The following TENM2 variants were observed in gnomAD, a reference collection of about 807,000 sequenced individuals.
The protein encoded by TENM2 is teneurin transmembrane protein 2.
Under a neutral mutation model 245.2 loss-of-function variants are expected in TENM2, and 52 were observed. The ratio of observed to expected loss-of-function variants is 0.21; its 90% confidence interval spans 0.17 to 0.27. The LOEUF is 0.27. TENM2 is among the 10% of genes least tolerant of loss of function. The pLI is 1.00. For synonymous variants in TENM2, 1,363 were observed against 1,438.9 expected, an observed-to-expected ratio of 0.95 and a Z score of 1.19; for missense variants, 3,046 against 3,666.8, an observed-to-expected ratio of 0.83 and a Z score of 4.37.
intron 20 of TENM2, 23 bp downstream of exon 22, chr5:168,211,777 A>G (rs774735048): frequency 6.1e-6 from 8 of 1,309,724 alleles, no homozygotes; most frequent in Non-Finnish European, 7.4e-6. Context: ...ACTCTTTCCC[A>G]TATAATTTGA....
At chr5:167,851,523 T>A (rs1770580149) in intron 2 of TENM2, among the ~76,000 whole-genome samples, 1 of 152,190 alleles carries the variant, frequency 6.6e-6, no homozygotes, top group Non-Finnish European at 1.5e-5. Flanking sequence ...TTTTAAGGTA[T>A]AAAAATTTTC....
intron 5 of TENM2, among the ~76,000 whole-genome samples, chr5:167,996,920 G>A (rs756874708): frequency 7.2e-5 from 11 of 151,872 alleles, no homozygotes; most frequent in African/African-American, 2.7e-4. Context: ...TGTGTTTTTA[G>A]TAGAGACAGG....
chr5:168,032,569 ACCGATC>A (rs569171854), intron 5 of TENM2, among the ~76,000 whole-genome samples: 198 of 152,238 alleles, frequency 1.3e-3, no homozygotes, highest in African/African-American at 4.4e-3. Context: ...AGCGAGAAGG[ACCGATC>A]CCATAGGTCC....
chr5:167,887,876 G>C (rs1774417158), intron 3 of TENM2, among the ~76,000 whole-genome samples: 1 of 152,096 alleles, frequency 6.6e-6, no homozygotes, highest in South Asian at 2.1e-4. Flanking sequence ...CTAGGGAAGA[G>C]TCCTTCCTTG....
chr5:167,648,908 C>T (rs572740912), intron 2 of TENM2, among the ~76,000 whole-genome samples: 4 of 152,156 alleles, frequency 2.6e-5, no homozygotes, highest in Non-Finnish European at 4.4e-5. Context: ...GAGAAGGGCT[C>T]GGTCTGTGGC....
chr5:167,642,105 C>A (rs901300062), intron 2 of TENM2, among the ~76,000 whole-genome samples: 3 of 148,426 alleles, frequency 2.0e-5, no homozygotes, highest in African/African-American at 7.4e-5. Context: ...CATGCCACTG[C>A]ACTCCAGCCT....
rs1411876904 is a variant in TENM2 at position 167,448,742 on chromosome 5, TA to T, written c.502+73272del. ...TACCGAGAAAGTTTACATGCTCAAA[TA>T]AATAGGAACTCGAATTCCTTAATTT... On this transcript the variant is annotated intron_variant, in intron 2 of 28. Coordinates refer to ENST00000518659, the Ensembl canonical transcript of TENM2. 3.3e-5 allele frequency among the ~76,000 whole-genome samples: 5 copies of T among 152,058 alleles called. No individual in the cohort carries two copies. In the East Asian group the frequency reaches 9.7e-4, roughly 29 times the overall value.
At chr5:167,804,623 C>A (rs566263044) in intron 2 of TENM2, among the ~76,000 whole-genome samples, 1 of 152,050 alleles carries the variant, frequency 6.6e-6, no homozygotes, top group East Asian at 1.9e-4. Context: ...TCAGATAGAT[C>A]GAATAAAGTT....
chr5:167,746,712 A>AGAGAGAGAGAGAGAGC (rs751185236), intron 2 of TENM2, among the ~76,000 whole-genome samples: 2 of 149,808 alleles, frequency 1.3e-5, no homozygotes, highest in African/African-American at 2.5e-5. Flanking sequence ...AGAGAGAGAG[A>AGAGAGAGAGAGAGAGC]GAGCTGGACT....
In TENM2 at chr5:168,218,246, G is replaced by A. The variant is rs1214120973; in HGVS notation, c.4355G>A (p.Arg1452His). The A allele has an allele frequency of 4.3e-6, 7 of 1,613,008 alleles. No individual in the cohort carries two copies. The highest frequency in any genetic ancestry group is 1.3e-5 in the African/African-American group (1 of 74,704). ...CACCAAGTCAGCATCATTGCGGGACGCCCCATGCACTGCCAAGTTCCTGGC... is the reference window on the plus strand; with the variant it reads ...CACCAAGTCAGCATCATTGCGGGACACCCCATGCACTGCCAAGTTCCTGGC... The change falls in exon 23 of 29, where the codon CGC becomes CAC. Residue 1452 changes from arginine (R) to histidine (H), a missense_variant. Physicochemically the swap from Arg to His is conservative, Grantham distance 29. This residue lies in a region of TENM2 where 2,704 missense variants were observed against 3,331.9 expected (regional missense o/e 0.81). Transcript: ENST00000518659. The surrounding 1 kb of genome is among the most constrained non-coding windows in gnomAD (Gnocchi z 5.2).
intron 2 of TENM2, among the ~76,000 whole-genome samples, chr5:167,401,254 A>C (rs1159628866): frequency 6.6e-6 from 1 of 152,138 alleles, no homozygotes; most frequent in Non-Finnish European, 1.5e-5. Flanking sequence ...CATGCTGTAC[A>C]TATGTTGAAG....
intron 2 of TENM2, among the ~76,000 whole-genome samples, chr5:167,479,912 CTGTT>C (rs1767651904): frequency 6.6e-6 from 1 of 152,144 alleles, no homozygotes; most frequent in African/African-American, 2.4e-5. Context: ...TAATGCATGA[CTGTT>C]TGAATGGTTT....
chr5:168,182,926 G>A (rs930504152), intron 13 of TENM2, among the ~76,000 whole-genome samples: 5 of 148,048 alleles, frequency 3.4e-5, no homozygotes, highest in Non-Finnish European at 3.0e-5. Context: ...CGCCTCCCGC[G>A]TTCAAGCGAT....
intron 4 of TENM2, among the ~76,000 whole-genome samples, chr5:167,969,059 C>T (rs1278647283): frequency 6.6e-6 from 1 of 152,162 alleles, no homozygotes; most frequent in Non-Finnish European, 1.5e-5. Context: ...TAGACATAAT[C>T]ATCTCTGAAA....
chr5:167,330,485 A>G (rs1403076688), intron 1 of TENM2, among the ~76,000 whole-genome samples: 1 of 152,092 alleles, frequency 6.6e-6, no homozygotes, highest in Non-Finnish European at 1.5e-5. Context: ...GAATATAAGG[A>G]AGAGCTTTCA....
intron 13 of TENM2, among the ~76,000 whole-genome samples, chr5:168,174,435 A>C (rs978706380): frequency 1.3e-5 from 2 of 152,200 alleles, no homozygotes; most frequent in African/African-American, 4.8e-5. Flanking sequence ...TAATGGATGC[A>C]AAACAGTCAG....
the TENM2 span, among the ~76,000 whole-genome samples, chr5:167,170,750 A>AAAGCAGCGTTTGGAAACTTTTGTTT: frequency 6.6e-6 from 1 of 152,146 alleles, no homozygotes; most frequent in African/African-American, 2.4e-5. Flanking sequence ...CAAACACTTC[A>AAAGCAGCGTTTGGAAACTTTTGTTT]CCAAAGCAGC....
intron 2 of TENM2, among the ~76,000 whole-genome samples, chr5:167,580,840 T>G (rs1055581542): frequency 6.6e-6 from 1 of 152,120 alleles, no homozygotes; most frequent in African/African-American, 2.4e-5. Flanking sequence ...AATACAAAAA[T>G]TAGCCGGGCG....
At chr5:167,939,308 G>A (rs1778982626) in intron 3 of TENM2, among the ~76,000 whole-genome samples, 1 of 152,168 alleles carries the variant, frequency 6.6e-6, no homozygotes, top group African/African-American at 2.4e-5. Flanking sequence ...GTTCACAATA[G>A]GGTTCACACT....
Sources: allele counts gnomAD v4.1 joint callset (sites outside exome capture counted in the v4.1 genomes callset), GRCh38; gene constraint gnomAD v4.1.1; regional missense constraint gnomAD v4.1.1; non-coding constraint Gnocchi (gnomAD v3.1); transcripts MANE v1.5; gene names NCBI Gene and HGNC (gene_info 2026-07-23, HGNC 2026-07-21).